Variants in DIP2B observed in about 807,000 individuals in gnomAD.
DIP2B encodes DIP2 acetate--CoA ligase B (putative).
Under a neutral mutation model 198.0 loss-of-function variants are expected in DIP2B, and 76 were observed. The ratio of observed to expected loss-of-function variants is 0.38; its 90% confidence interval spans 0.32 to 0.46. DIP2B has a LOEUF of 0.46. Ranked by LOEUF, DIP2B falls within the 20% of genes least tolerant of loss-of-function variation. The pLI is 0.99. For missense variants in DIP2B, 1,559 were observed against 1,978.4 expected (o/e 0.79, Z 4.02); for synonymous variants, 701 against 739.1 (o/e 0.95, Z 0.84).
intron 4 of DIP2B, among the ~76,000 whole-genome samples, chr12:50,662,864 A>G (rs1024227796): frequency 1.3e-5 from 2 of 152,326 alleles, no homozygotes; most frequent in Admixed American, 6.5e-5. Flanking sequence ...TAATCCCAGC[A>G]CTTTAGGAGG....
intron 9 of DIP2B, among the ~76,000 whole-genome samples, chr12:50,681,456 T>C (rs1200775759): frequency 1.3e-5 from 2 of 152,006 alleles, no homozygotes; most frequent in African/African-American, 4.8e-5. Context: ...AAAAAAAGCC[T>C]CATACATCTT....
chr12:50,606,405 AGCCACC>A (rs1261313086), intron 1 of DIP2B, among the ~76,000 whole-genome samples: 19 of 152,228 alleles, frequency 1.2e-4, no homozygotes, highest in African/African-American at 4.6e-4. Flanking sequence ...TACCAGCATG[AGCCACC>A]ACTCTTAGCT....
chr12:50,580,614 C>T (rs1434278024), intron 1 of DIP2B, among the ~76,000 whole-genome samples: 1 of 142,772 alleles, frequency 7.0e-6, no homozygotes, highest in Non-Finnish European at 1.5e-5. Flanking sequence ...CGGCTCACTG[C>T]AACTTTCTTC....
At chr12:50,599,451 A>C (rs1161582327) in intron 1 of DIP2B, among the ~76,000 whole-genome samples, 3 of 152,134 alleles carry the variant, frequency 2.0e-5, no homozygotes, top group Non-Finnish European at 4.4e-5. Flanking sequence ...CCCTGTCTCT[A>C]CTGAAAATAC....
At chr12:50,603,273 A>G (rs1262292968) in intron 1 of DIP2B, among the ~76,000 whole-genome samples, 2 of 152,204 alleles carry the variant, frequency 1.3e-5, no homozygotes, top group African/African-American at 4.8e-5. Flanking sequence ...CTTTTTACAC[A>G]TAAGCAAAGA....
At chr12:50,525,357 C>CA (rs71083585) in intron 1 of DIP2B, among the ~76,000 whole-genome samples, 8 of 105,836 alleles carry the variant, frequency 7.6e-5, no homozygotes, top group South Asian at 3.1e-4. Context: ...GACTCCATCT[C>CA]AAAAAAAAAA....
chr12:50,620,603 G>A (rs952335430), intron 1 of DIP2B, among the ~76,000 whole-genome samples: 1 of 152,064 alleles, frequency 6.6e-6, no homozygotes, highest in African/African-American at 2.4e-5. Context: ...ACTCTAGTGG[G>A]AGGGGAAGGC....
chr12:50,591,715 C>T (rs1958820439), intron 1 of DIP2B, among the ~76,000 whole-genome samples: 1 of 151,866 alleles, frequency 6.6e-6, no homozygotes. Context: ...CCACCTGGGC[C>T]TCCCAAAGTG....
chr12:50,559,863 A>G (rs144537292), intron 1 of DIP2B, among the ~76,000 whole-genome samples: 4 of 152,268 alleles, frequency 2.6e-5, no homozygotes, highest in Non-Finnish European at 5.9e-5. Flanking sequence ...GAGGGGTGAA[A>G]TGTAGCACAC....
intron 1 of DIP2B, among the ~76,000 whole-genome samples, chr12:50,512,790 G>C (rs981001627): frequency 2.6e-5 from 4 of 152,214 alleles, no homozygotes; most frequent in Admixed American, 2.6e-4. Context: ...TGGATTGCCT[G>C]AGCTCAGGAG....
chr12:50,689,132 T>C (rs1027071354), intron 12 of DIP2B, among the ~76,000 whole-genome samples: 6 of 152,160 alleles, frequency 3.9e-5, no homozygotes, highest in Admixed American at 3.9e-4. Context: ...GCGCAGTGGC[T>C]CACCCCTATT....
chr12:50,593,980 G>A (rs763103377), intron 1 of DIP2B, among the ~76,000 whole-genome samples: 5 of 137,008 alleles, frequency 3.6e-5, no homozygotes, highest in South Asian at 2.6e-4. Context: ...CACTCTTGTC[G>A]CCCAGGCTGG....
intron 1 of DIP2B, among the ~76,000 whole-genome samples, chr12:50,545,399 T>G: frequency 1.7e-5 from 1 of 58,822 alleles, no homozygotes; most frequent in Admixed American, 2.6e-4. Context: ...TCCCTCCCCC[T>G]CCCCTCCGTT....
In DIP2B at chr12:50,697,074, C is replaced by T; in HGVS notation, c.1947C>T (p.Ser649=). Residue 649 remains serine (S), a synonymous_variant, in exon 17 of 38, where the codon TCC becomes TCT. Transcript: ENST00000301180. ...TDGANPWSVS[S]CDAFLSLFQS... is the part of the protein sequence containing the mutation. Reference sequence around the variant, plus strand: ...CCAACTCCTTAGGGTCCGTGTCATCCTGTGATGCCTTCCTGAGTCTGTTCC... The same window carrying T: ...CCAACTCCTTAGGGTCCGTGTCATCTTGTGATGCCTTCCTGAGTCTGTTCC... 2 of 1,613,972 alleles carry T rather than the reference C, an allele frequency of 1.2e-6. No individual in the cohort carries two copies. Among genetic ancestry groups the T allele is most frequent in the African/African-American group, 1.3e-5 (1 of 75,032 alleles).
At chr12:50,723,534 T>C (rs1396646000) in intron 27 of DIP2B, among the ~76,000 whole-genome samples, 2 of 152,190 alleles carry the variant, frequency 1.3e-5, no homozygotes, top group Admixed American at 6.5e-5. Context: ...TACAGAATTG[T>C]GTGCAGTTAT....
intron 1 of DIP2B, among the ~76,000 whole-genome samples, chr12:50,621,028 G>A (rs1937802118): frequency 1.3e-5 from 2 of 152,224 alleles, no homozygotes; most frequent in East Asian, 1.9e-4. Flanking sequence ...CTCCATGGGA[G>A]GGGTCTGGGA....
At chr12:50,620,667 T>C (rs565699254) in intron 1 of DIP2B, among the ~76,000 whole-genome samples, 112 of 152,374 alleles carry the variant, frequency 7.4e-4, no homozygotes, top group African/African-American at 2.7e-3. Context: ...GTTTACCTTA[T>C]ATGCCATTTT....
intron 3 of DIP2B, among the ~76,000 whole-genome samples, chr12:50,658,170 T>A (rs1195976708): frequency 6.6e-6 from 1 of 152,070 alleles, no homozygotes; most frequent in African/African-American, 2.4e-5. Flanking sequence ...AGAGTCTTGC[T>A]CTGTCGCCCA....
intron 1 of DIP2B, among the ~76,000 whole-genome samples, chr12:50,571,547 CGTTT>C (rs1306266500): frequency 4.9e-5 from 5 of 101,440 alleles, no homozygotes; most frequent in South Asian, 3.5e-4. Flanking sequence ...GAAACCTAGG[CGTTT>C]TTTTTTTTTT....
Sources: gnomAD v4.1 joint callset for allele counts (sites outside exome capture counted in the v4.1 genomes callset) on GRCh38, gnomAD v4.1.1 for gene constraint, MANE v1.5 for transcripts, NCBI Gene and HGNC (gene_info 2026-07-23, HGNC 2026-07-21) for gene names.